The following PCDHGA4 variants were observed in gnomAD, a reference collection of about 807,000 sequenced individuals.
PCDHGA4 encodes the protein protocadherin gamma-A4.
PCDHGA4 carries 38 observed loss-of-function variants against 54.6 expected under a neutral mutation model. The ratio of observed to expected loss-of-function variants is 0.70; its 90% confidence interval spans 0.54 to 0.91. The LOEUF is 0.91. PCDHGA4 is among the 40% of genes least tolerant of loss of function. PCDHGA4 has a pLI of 0.00. For missense variants in PCDHGA4, 1,298 were observed against 1,220.9 expected, an observed-to-expected ratio of 1.06 and a Z score of -0.94; for synonymous variants, 511 against 512.9, an observed-to-expected ratio of 1.00 and a Z score of 0.05.
At chr5:141,404,384 G>C in intron 1 of PCDHGA4, 9 of 1,613,904 alleles carry the variant, frequency 5.6e-6, no homozygotes, top group African/African-American at 1.3e-5. Context: ...GATTGCCTAT[G>C]ACCCTGATAG....
chr5:141,421,634 A>G (rs771759412), intron 1 of PCDHGA4: 12 of 1,613,714 alleles, frequency 7.4e-6, no homozygotes, highest in South Asian at 1.1e-5. Context: ...AGCTTCCAGG[A>G]GGACGAAGTG....
intron 1 of PCDHGA4, chr5:141,382,935 A>C: frequency 6.3e-7 from 1 of 1,589,148 alleles, no homozygotes; most frequent in Non-Finnish European, 8.6e-7. Flanking sequence ...ACTACAGAGG[A>C]TTCTTCCTGC....
intron 1 of PCDHGA4, chr5:141,361,921 G>C: frequency 6.2e-7 from 1 of 1,607,720 alleles, no homozygotes; most frequent in Non-Finnish European, 8.5e-7. Flanking sequence ...GGCGGTGGAC[G>C]CAGACTCAGG....
At chr5:141,459,814 T>A (rs757306281) in intron 1 of PCDHGA4, among the ~76,000 whole-genome samples, 2 of 152,256 alleles carry the variant, frequency 1.3e-5, no homozygotes, top group African/African-American at 4.8e-5. Context: ...CTAGAGACAC[T>A]GAGCAACTTT....
In PCDHGA4 at chr5:141,511,925, G is replaced by C. The variant is rs2099884008; in HGVS notation, c.*752G>C. 1 of 155,320 alleles carries C rather than the reference G, an allele frequency of 6.4e-6. No homozygotes were observed. Among genetic ancestry groups the C allele is most frequent in the Admixed American group, 6.3e-5 (1 of 15,924 alleles). 9.6% of individuals were successfully genotyped at this position (155,320 alleles called of 1,614,324 possible). A position where few individuals can be genotyped will look rare whatever the true frequency, so the allele number is the denominator to read the frequency against. ...CCTCAAACAAGAGACTCCACTGCAT[G>C]TTCCAAGACAGTATGGGGTGGTAAG... On this transcript the variant is annotated 3_prime_UTR_variant, in exon 4 of 4. Coordinates refer to ENST00000571252, the MANE Select transcript of PCDHGA4 (RefSeq NM_018917.4).
At chr5:141,453,586 C>T (rs1409763264) in intron 1 of PCDHGA4, among the ~76,000 whole-genome samples, 1 of 152,204 alleles carries the variant, frequency 6.6e-6, no homozygotes, top group Non-Finnish European at 1.5e-5. Context: ...GGTTTATCCT[C>T]ACTGTGTTTC....
At chr5:141,443,631 T>C (rs541727440) in intron 1 of PCDHGA4, among the ~76,000 whole-genome samples, 1 of 152,332 alleles carries the variant, frequency 6.6e-6, no homozygotes, top group South Asian at 2.1e-4. Context: ...ATTGTAAAAA[T>C]TGATCCAGAT....
chr5:141,404,545 G>A (rs763601254), intron 1 of PCDHGA4: 1 of 1,613,940 alleles, frequency 6.2e-7, no homozygotes, highest in Admixed American at 1.7e-5. Context: ...TGCAAATGCA[G>A]GTGACGGCAA....
intron 1 of PCDHGA4, among the ~76,000 whole-genome samples, chr5:141,439,449 G>A (rs761506247): frequency 4.6e-5 from 7 of 152,184 alleles, no homozygotes; most frequent in Admixed American, 3.9e-4. Context: ...TATTGCGGGA[G>A]CAAGACTGCA....
intron 1 of PCDHGA4, among the ~76,000 whole-genome samples, chr5:141,402,058 TA>T: frequency 6.6e-6 from 1 of 152,304 alleles, no homozygotes; most frequent in South Asian, 2.1e-4. Flanking sequence ...ATATTCACAT[TA>T]AAAAACTAAG....
At chr5:141,433,391 CTA>C (rs1477426085) in intron 1 of PCDHGA4, among the ~76,000 whole-genome samples, 3 of 151,570 alleles carry the variant, frequency 2.0e-5, no homozygotes, top group African/African-American at 7.3e-5. Context: ...ATCTATCTAT[CTA>C]TCTATCTATC....
intron 1 of PCDHGA4, chr5:141,399,483 C>G (rs753137844): frequency 6.2e-7 from 1 of 1,613,930 alleles, no homozygotes; most frequent in African/African-American, 1.3e-5. Context: ...ACCAGGCGTC[C>G]TACTTAGTCA....
Position 141,387,762 on chromosome 5 carries a change from G to T in PCDHGA4, c.2514+30141G>T, listed in dbSNP as rs545222926. The T allele has an allele frequency of 3.5e-6, 5 of 1,424,676 alleles. No homozygotes were observed. The East Asian group carries it at 9.9e-5, about 28-fold the overall frequency. The allele number at this position is 1,424,676 out of a possible 1,614,324, so 88.3% of individuals were successfully genotyped here. ...CACCGCTTCCTCCTCGGAAAAAGAA[G>T]AATTTTTTCTTGAACTGGAACTGCA... On this transcript the variant is annotated intron_variant, in intron 1 of 3. Transcript: ENST00000571252.
intron 2 of PCDHGA4, among the ~76,000 whole-genome samples, chr5:141,505,007 C>T (rs1210694913): frequency 6.6e-6 from 1 of 152,050 alleles, no homozygotes; most frequent in Non-Finnish European, 1.5e-5. Flanking sequence ...ACTAAAAATA[C>T]AAAAATTAGC....
chr5:141,409,292 A>G, intron 1 of PCDHGA4: 1 of 1,614,012 alleles, frequency 6.2e-7, no homozygotes, highest in Admixed American at 1.7e-5. Flanking sequence ...ACCTCCAGGA[A>G]TGGTTGTTGC....
chr5:141,433,987 T>C (rs1332689630), intron 1 of PCDHGA4, among the ~76,000 whole-genome samples: 1 of 152,252 alleles, frequency 6.6e-6, no homozygotes, highest in Non-Finnish European at 1.5e-5. Context: ...GAAGAAGAGT[T>C]TTATATTCTC....
At position 141,355,392 on chromosome 5, in the gene PCDHGA4, C is replaced by T. The variant is rs1039208942; in HGVS notation, c.285C>T (p.Val95=). 30 of 1,614,084 alleles carry T rather than the reference C, an allele frequency of 1.9e-5. No individual in the cohort carries two copies. The highest frequency in any genetic ancestry group is 2.5e-5 in the Non-Finnish European group (30 of 1,179,922). ...CCCGGGAGCTGGCGGAGCGCGGAGT[C>T]CGCATCGTCTCCAGAGGTAGGACGC... The part of the protein sequence containing the change: ...LAPRELAERG[V]RIVSRGRTQL... The change falls in exon 1 of 4, where the codon GTC becomes GTT. Residue 95 remains valine (V), a synonymous_variant. Coordinates refer to ENST00000571252, the MANE Select transcript of PCDHGA4 (RefSeq NM_018917.4).
intron 1 of PCDHGA4, chr5:141,370,497 T>C: frequency 1.2e-6 from 2 of 1,613,956 alleles, no homozygotes; most frequent in Non-Finnish European, 1.7e-6. Context: ...ACCGATCCGC[T>C]ACGCTATTCC....
intron 1 of PCDHGA4, chr5:141,399,076 G>A (rs767415619): frequency 1.2e-6 from 2 of 1,613,850 alleles, no homozygotes; most frequent in Non-Finnish European, 1.7e-6. Flanking sequence ...GGTTGTAGAA[G>A]GGAGGGATGG....
Sources: allele counts gnomAD v4.1 joint callset (sites outside exome capture counted in the v4.1 genomes callset), GRCh38; gene constraint gnomAD v4.1.1; transcripts MANE v1.5; gene names NCBI Gene and HGNC (gene_info 2026-07-23, HGNC 2026-07-21).